LRPAP1: variants seen among roughly 807,000 people sequenced by gnomAD.
LRPAP1 encodes the protein LDL receptor related protein associated protein 1, also known as alpha-2-macroglobulin receptor-associated protein.
A neutral mutation model predicts 39.9 loss-of-function variants in LRPAP1; 41 were observed. That is an observed-to-expected ratio of 1.03 (90% CI 0.80 to 1.33). LRPAP1 has a LOEUF of 1.33. Ranked by LOEUF, LRPAP1 falls within the 40% of genes most tolerant of loss-of-function variation. The pLI, the probability that LRPAP1 is intolerant of heterozygous loss-of-function variation, is 0.00. For missense variants in LRPAP1, 565 were observed against 482.3 expected (o/e 1.17, Z -1.61); for synonymous variants, 263 against 212.7 (o/e 1.24, Z -2.06).
In LRPAP1 at chr4:3,512,739, T is replaced by C; in HGVS notation, c.*235A>G. The C allele has an allele frequency of 1.8e-6, 1 of 541,666 alleles. No individual in the cohort carries two copies. The highest frequency in any genetic ancestry group is 2.4e-5 in the South Asian group (1 of 42,050). 33.6% of individuals were successfully genotyped at this position (541,666 alleles called of 1,614,324 possible). A position where few individuals can be genotyped will look rare whatever the true frequency, so the allele number is the denominator to read the frequency against. Reference sequence around the variant, plus strand: ...TGGTGACTGCCACGCTGATGCTGAGTGGAAGCCAAGCCCCTTCAGTCAGAG... The same window carrying C: ...TGGTGACTGCCACGCTGATGCTGAGCGGAAGCCAAGCCCCTTCAGTCAGAG... On this transcript the variant is annotated 3_prime_UTR_variant, in exon 8 of 8. Transcript: ENST00000650182.
chr4:3,515,881 C>G, intron 6 of LRPAP1: 1 of 575,460 alleles, frequency 1.7e-6, no homozygotes, highest in East Asian at 2.9e-5. Context: ...CAGACGTGAA[C>G]ACGGACAAAA....
Position 3,506,929 on chromosome 4 carries a change from C to A in LRPAP1, c.*6045G>T, listed in dbSNP as rs1367619262. The A allele has an allele frequency of 1.3e-5, 2 of 152,250 alleles. No homozygotes were observed. The highest frequency in any genetic ancestry group is 2.9e-5 in the Non-Finnish European group (2 of 68,058). 9.4% of individuals were successfully genotyped at this position (152,250 alleles called of 1,614,324 possible). A position where few individuals can be genotyped will look rare whatever the true frequency, so the allele number is the denominator to read the frequency against. ...CCTAGACCTGGGAATAACGCTAAGACCAGGCTGGGTGTGGCGGCTCCCGCC... is the reference window on the plus strand; with the variant it reads ...CCTAGACCTGGGAATAACGCTAAGAACAGGCTGGGTGTGGCGGCTCCCGCC... On this transcript the variant is annotated 3_prime_UTR_variant, in exon 8 of 8. Transcript: ENST00000650182.
rs1729356934 is a variant in LRPAP1, at chr4:3,506,408, T to TAA, written c.*6565_*6566insTT. 1.3e-5 allele frequency: 2 copies of TAA among 149,976 alleles called. No homozygotes were observed. Among genetic ancestry groups the TAA allele is most frequent in the East Asian group, 2.0e-4 (1 of 5,038 alleles). 9.3% of individuals were successfully genotyped at this position (149,976 alleles called of 1,614,324 possible). A position where few individuals can be genotyped will look rare whatever the true frequency, so the allele number is the denominator to read the frequency against. On this transcript the variant is annotated 3_prime_UTR_variant, in exon 8 of 8. Coordinates refer to ENST00000650182, the MANE Select transcript of LRPAP1 (RefSeq NM_002337.4). ...TTTTTTTTGAGGCGAAGTCTTGCTC[T>TAA]TGTCCCCAGGCCGGAGTGCAATGGC...
At position 3,516,205 on chromosome 4, in the gene LRPAP1, G is replaced by A. The variant is rs372454127; in HGVS notation, c.752-7C>T. 7.0e-6 allele frequency: 11 copies of A among 1,563,174 alleles called. No individual in the cohort carries two copies. In the African/African-American group the frequency reaches 1.4e-4, roughly 19 times the overall value. ...ACCCTGGGCTCCTCGAACTCTGCAG[G>A]GGAGGAGCAAGAGTGGCCTCAGCAG... On this transcript the variant is annotated splice_region_variant and splice_polypyrimidine_tract_variant and intron_variant, in intron 5 of 7. Coordinates refer to ENST00000650182, the MANE Select transcript of LRPAP1 (RefSeq NM_002337.4).
At chr4:3,524,137 G>A (rs1030434235) in intron 2 of LRPAP1, among the ~76,000 whole-genome samples, 2 of 152,170 alleles carry the variant, frequency 1.3e-5, no homozygotes, top group African/African-American at 2.4e-5. Context: ...CCTGGTGTGC[G>A]TCCTCTGCCC....
intron 5 of LRPAP1, among the ~76,000 whole-genome samples, chr4:3,517,398 C>G (rs560605004): frequency 3.3e-5 from 5 of 152,368 alleles, no homozygotes; most frequent in Admixed American, 6.5e-5. Flanking sequence ...TCTCCTCGAG[C>G]CTAGAGCAGT....
At position 3,504,886 on chromosome 4, in the gene LRPAP1, G is replaced by A. The variant is rs1228912826; in HGVS notation, c.*8088C>T. On this transcript the variant is annotated 3_prime_UTR_variant, in exon 8 of 8. Transcript: ENST00000650182. ...CGCATGAACCTGGGAGGCAGAGGTT[G>A]CAGTGAGCCGAGATCGCACCAACGC... is the stretch of plus-strand genomic sequence containing the variant. 6.6e-6 allele frequency among the ~76,000 whole-genome samples: 1 copy of A among 152,148 alleles called. No homozygotes were observed. The highest frequency in any genetic ancestry group is 1.9e-4 in the East Asian group (1 of 5,196).
intron 5 of LRPAP1, 100 bp downstream of exon 5, chr4:3,517,934 C>T (rs1729771497): frequency 2.8e-6 from 4 of 1,445,278 alleles, no homozygotes; most frequent in Non-Finnish European, 3.7e-6. Context: ...CGTCCACAGG[C>T]CCAGGTTCCC....
chr4:3,512,926 G>C lies in LRPAP1; in HGVS notation c.*48C>G. On this transcript the variant is annotated 3_prime_UTR_variant, in exon 8 of 8. Coordinates refer to ENST00000650182, the MANE Select transcript of LRPAP1 (RefSeq NM_002337.4). ...GGAAATGCCACGGCCAAGAGCCCAG[G>C]TCCTTCACGCTGGCCTCTTCCCTGC... 1 of 1,552,140 alleles carries C rather than the reference G, an allele frequency of 6.4e-7. No individual in the cohort carries two copies. The highest frequency in any genetic ancestry group is 2.4e-5 in the East Asian group (1 of 42,542).
In LRPAP1 at chr4:3,512,276, G is replaced by A. The variant is rs1429365337; in HGVS notation, c.*698C>T. On this transcript the variant is annotated 3_prime_UTR_variant, in exon 8 of 8. Transcript: ENST00000650182. ...CACTTAGGGACACGGAGGCCCTGCA[G>A]GTTTGGTGAGGTCTCCCGAGGTCCC... 3 of 152,478 alleles carry A rather than the reference G, an allele frequency of 2.0e-5. No homozygotes were observed. The East Asian group carries it at 5.8e-4, about 29-fold the overall frequency. The allele number at this position is 152,478 out of a possible 1,614,324, so 9.4% of individuals were successfully genotyped here. A position where few individuals can be genotyped will look rare whatever the true frequency, so the allele number is the denominator to read the frequency against.
At chr4:3,519,755 G>A (rs764303868) in intron 3 of LRPAP1, among the ~76,000 whole-genome samples, 1 of 152,196 alleles carries the variant, frequency 6.6e-6, no homozygotes, top group Non-Finnish European at 1.5e-5. Context: ...TTAAAAATCC[G>A]ACACGGAGTA....
chr4:3,516,194 G>A lies in LRPAP1; in HGVS notation c.756C>T (p.Phe252=), dbSNP rs866159859. The A allele has an allele frequency of 4.5e-6, 7 of 1,569,410 alleles. No homozygotes were observed. Among genetic ancestry groups the A allele is most frequent in the African/African-American group, 1.3e-5 (1 of 74,328 alleles). ...ACAGGTCAATCACCCTGGGCTCCTC[G>A]AACTCTGCAGGGGAGGAGCAAGAGT... ...SHQGYSTEAE[F]EEPRVIDLWD... The change falls in exon 6 of 8, where the codon TTC becomes TTT. Residue 252 remains phenylalanine (F), a synonymous_variant. Transcript: ENST00000650182.
rs1194296982 is a variant in LRPAP1 at position 3,514,938 on chromosome 4, G to A, written c.835-10C>T. 6.2e-7 allele frequency: 1 copy of A among 1,612,530 alleles called. No individual in the cohort carries two copies. Among genetic ancestry groups the A allele is most frequent in the East Asian group, 2.2e-5 (1 of 44,844 alleles). ...AGTGCTTGAGCTCCTCCTGGAACAA[G>A]GTTTCCATAGGTGAGTGTTCCCTTC... On this transcript the variant is annotated splice_polypyrimidine_tract_variant and intron_variant, in intron 6 of 7. Coordinates refer to ENST00000650182, the MANE Select transcript of LRPAP1 (RefSeq NM_002337.4).
rs1243170253 is a variant in LRPAP1 at position 3,508,233 on chromosome 4, T to G, written c.*4741A>C. On this transcript the variant is annotated 3_prime_UTR_variant, in exon 8 of 8. Transcript: ENST00000650182. ...GTTGACTAGGTTGGTCTCAAACTCC[T>G]GACCTCAGGTGATCCATCCACGTTG... The G allele has an allele frequency of 6.6e-6, 1 of 152,236 alleles. No homozygotes were observed. The highest frequency in any genetic ancestry group is 1.5e-5 in the Non-Finnish European group (1 of 68,054). 9.4% of individuals were successfully genotyped at this position (152,236 alleles called of 1,614,324 possible).
In LRPAP1 at chr4:3,506,310, C is replaced by T. The variant is rs2108683377; in HGVS notation, c.*6664G>A. 1 of 151,418 alleles carries T rather than the reference C, an allele frequency of 6.6e-6. No individual in the cohort carries two copies. Among genetic ancestry groups the T allele is most frequent in the Middle Eastern group, 3.5e-3 (1 of 284 alleles). The allele number at this position is 151,418 out of a possible 1,614,324, so 9.4% of individuals were successfully genotyped here. On this transcript the variant is annotated 3_prime_UTR_variant, in exon 8 of 8. Transcript: ENST00000650182. Reference sequence around the variant, plus strand: ...CAAACTCCTGGCCTCAAGTGATCTGCCCGCCTCAGCCTCCCAAAGTGCTGG... The same window carrying T: ...CAAACTCCTGGCCTCAAGTGATCTGTCCGCCTCAGCCTCCCAAAGTGCTGG...
At chr4:3,523,756 G>A (rs1013308398) in intron 2 of LRPAP1, among the ~76,000 whole-genome samples, 2 of 152,208 alleles carry the variant, frequency 1.3e-5, no homozygotes, top group South Asian at 2.1e-4. Context: ...GGCCATCAGC[G>A]CGTGTGAAAA....
chr4:3,525,554 G>C (rs1339436144), intron 1 of LRPAP1, among the ~76,000 whole-genome samples: 1 of 152,090 alleles, frequency 6.6e-6, no homozygotes, highest in African/African-American at 2.4e-5. Context: ...GAACTGTCTT[G>C]CTGAGACGGT....
Position 3,532,255 on chromosome 4 carries a change from T to C in LRPAP1, c.158A>G (p.Glu53Gly), listed in dbSNP as rs1265779386. ...CTGGTTCAACTTCTCCATGCGGAAC[T>C]CCTCTCCGGACTCGCGTTTCGGGGA... is the stretch of plus-strand genomic sequence containing the variant. ...KPSPKRESGE[E>G]FRMEKLNQLW... Residue 53 changes from glutamate to glycine, a missense_variant, in exon 1 of 8, where the codon GAG becomes GGG. Physicochemically the swap from Glu to Gly is moderately conservative, Grantham distance 98. Transcript: ENST00000650182. The C allele has an allele frequency of 3.2e-6, 5 of 1,552,732 alleles. No homozygotes were observed. The East Asian group carries it at 1.2e-4, about 38-fold the overall frequency.
At chr4:3,514,609 T>A in intron 7 of LRPAP1, 143 bp downstream of exon 7, 1 of 1,109,344 alleles carries the variant, frequency 9.0e-7, no homozygotes, top group Admixed American at 2.8e-5. Flanking sequence ...CACACACTTG[T>A]GGCCCTGGGG....
Sources: allele counts gnomAD v4.1 joint callset (sites outside exome capture counted in the v4.1 genomes callset), GRCh38; gene constraint gnomAD v4.1.1; transcripts MANE v1.5; gene names NCBI Gene and HGNC (gene_info 2026-07-23, HGNC 2026-07-21).